The following SARAF variants were observed in gnomAD, a reference collection of about 807,000 sequenced individuals.
The protein encoded by SARAF is store-operated calcium entry associated regulatory factor, also known as store-operated calcium entry-associated regulatory factor.
Under a neutral mutation model 39.7 loss-of-function variants are expected in SARAF, and 23 were observed. The observed-to-expected ratio is 0.58, with a 90% CI of 0.42 to 0.82. The LOEUF is 0.82. Ranked by LOEUF, SARAF falls within the 40% of genes least tolerant of loss-of-function variation. The probability of loss-of-function intolerance (pLI) is 0.00; values close to 1 mark genes in which losing one functional copy is unlikely to be tolerated. For missense variants in SARAF, 384 were observed against 418.5 expected, an observed-to-expected ratio of 0.92 and a Z score of 0.72; for synonymous variants, 175 against 168.5, an observed-to-expected ratio of 1.04 and a Z score of -0.30.
In SARAF at chr8:30,082,991, G is replaced by T; in HGVS notation, c.-42C>A. 1.4e-6 allele frequency: 2 copies of T among 1,461,354 alleles called. No individual in the cohort carries two copies. Among genetic ancestry groups the T allele is most frequent in the Admixed American group, 2.1e-5 (1 of 46,858 alleles). 90.5% of individuals were successfully genotyped at this position (1,461,354 alleles called of 1,614,324 possible). On this transcript the variant is annotated 5_prime_UTR_variant, in exon 1 of 6. Transcript: ENST00000256255. Reference sequence around the variant, plus strand: ...GGCGCCGGGCTGCCAGACGCCTACGGGCCGAACCTGGGTGCGGTAGCGCGC... The same window carrying T: ...GGCGCCGGGCTGCCAGACGCCTACGTGCCGAACCTGGGTGCGGTAGCGCGC...
At chr8:30,065,011 T>C (rs1801651361) in intron 5 of SARAF, among the ~76,000 whole-genome samples, 1 of 152,208 alleles carries the variant, frequency 6.6e-6, no homozygotes, top group Non-Finnish European at 1.5e-5. Flanking sequence ...ATAGTGTATA[T>C]ATTATTTTGT....
intron 5 of SARAF, among the ~76,000 whole-genome samples, chr8:30,065,392 T>C (rs1801660998): frequency 6.6e-6 from 1 of 152,212 alleles, no homozygotes; most frequent in South Asian, 2.1e-4. Flanking sequence ...TTTTAAAACA[T>C]ATTTAAATAT....
At chr8:30,079,476 C>A (rs1227809638) in intron 1 of SARAF, among the ~76,000 whole-genome samples, 2 of 152,102 alleles carry the variant, frequency 1.3e-5, no homozygotes, top group Non-Finnish European at 2.9e-5. Context: ...CTACTACCTC[C>A]TCATACATAA....
chr8:30,075,300 C>A (rs1801932673), intron 1 of SARAF, among the ~76,000 whole-genome samples: 4 of 130,802 alleles, frequency 3.1e-5, no homozygotes, highest in Non-Finnish European at 3.3e-5. Flanking sequence ...AACTCCATCT[C>A]AAAAAAAAAA....
chr8:30,082,977 GC>G lies in SARAF; in HGVS notation c.-29del. 6.6e-7 allele frequency: 1 copy of G among 1,521,226 alleles called. No homozygotes were observed. Among genetic ancestry groups the G allele is most frequent in the Non-Finnish European group, 8.9e-7 (1 of 1,128,726 alleles). The allele number at this position is 1,521,226 out of a possible 1,614,324, so 94.2% of individuals were successfully genotyped here. ...CGCTCGATGAAGATGGCGCCGGGCT[GC>G]CAGACGCCTACGGGCCGAACCTGGG... On this transcript the variant is annotated 5_prime_UTR_variant, in exon 1 of 6. Coordinates refer to ENST00000256255, the MANE Select transcript of SARAF (RefSeq NM_016127.6).
Position 30,073,969 on chromosome 8 carries a change from A to G in SARAF, c.190T>C (p.Leu64=). The change falls in exon 2 of 6, where the codon TTG becomes CTG. Residue 64 remains leucine, a synonymous_variant. Transcript: ENST00000256255. ...TSRRLDPIPQ[L]KCVGGTAGCD... is the part of the protein sequence containing the mutation. ...CCAGCTGTGCCTCCAACACATTTCA[A>G]CTGTGGGATGGGATCCAGCCTGCGG... 6.2e-7 allele frequency: 1 copy of G among 1,614,132 alleles called. No individual in the cohort carries two copies. Among genetic ancestry groups the G allele is most frequent in the Non-Finnish European group, 8.5e-7 (1 of 1,180,016 alleles).
chr8:30,063,599 C>T lies in SARAF; in HGVS notation c.*289G>A. On this transcript the variant is annotated 3_prime_UTR_variant, in exon 6 of 6. Transcript: ENST00000256255. ...TCATTCTTAATGCTTCTTAGGGCATCACAGGTTTTAGAAATTAATGTATTT... is the reference window on the plus strand; with the variant it reads ...TCATTCTTAATGCTTCTTAGGGCATTACAGGTTTTAGAAATTAATGTATTT... 2.2e-6 allele frequency: 1 copy of T among 450,726 alleles called. No homozygotes were observed. Among genetic ancestry groups the T allele is most frequent in the East Asian group, 4.2e-5 (1 of 23,680 alleles). The allele number at this position is 450,726 out of a possible 1,614,324, so 27.9% of individuals were successfully genotyped here.
intron 1 of SARAF, among the ~76,000 whole-genome samples, chr8:30,078,428 C>CA (rs1452442758): frequency 3.3e-5 from 5 of 151,506 alleles, no homozygotes; most frequent in Non-Finnish European, 5.9e-5. Context: ...ACACTGAAGA[C>CA]AAAAAAAGAT....
At chr8:30,073,234 A>G (rs1801885130) in intron 2 of SARAF, among the ~76,000 whole-genome samples, 1 of 152,246 alleles carries the variant, frequency 6.6e-6, no homozygotes, top group Non-Finnish European at 1.5e-5. Flanking sequence ...GTCGTCTTAA[A>G]TCAATTTTGA....
intron 3 of SARAF, among the ~76,000 whole-genome samples, chr8:30,068,969 CTA>C (rs990767723): frequency 8.6e-5 from 13 of 151,936 alleles, no homozygotes; most frequent in African/African-American, 2.9e-4. Flanking sequence ...AAATATTCTC[CTA>C]TGTTTTATTC....
At chr8:30,064,251 T>C (rs1801621146) in intron 5 of SARAF, among the ~76,000 whole-genome samples, 1 of 152,136 alleles carries the variant, frequency 6.6e-6, no homozygotes, top group South Asian at 2.1e-4. Context: ...AGCCATGCCC[T>C]GCTACCTCTC....
intron 1 of SARAF, 57 bp from the exon 2 acceptor site, chr8:30,074,112 G>C: frequency 6.4e-7 from 1 of 1,560,744 alleles, no homozygotes. Flanking sequence ...GAGAAAGAAA[G>C]GTTCATCCTA....
chr8:30,064,035 G>T, intron 5 of SARAF, 122 bp from the exon 6 acceptor site: 1 of 846,790 alleles, frequency 1.2e-6, no homozygotes, highest in Non-Finnish European at 1.9e-6. Flanking sequence ...AGGAAAGAGT[G>T]TGCCACTAGG....
chr8:30,069,133 C>CTTTTTTTT (rs1491510056), intron 3 of SARAF, among the ~76,000 whole-genome samples: 1 of 94,512 alleles, frequency 1.1e-5, no homozygotes, highest in Non-Finnish European at 2.0e-5. Context: ...TTTAATCAGG[C>CTTTTTTTT]ATTTTTTTTT....
intron 1 of SARAF, among the ~76,000 whole-genome samples, chr8:30,074,588 C>T (rs775133429): frequency 3.9e-5 from 6 of 152,080 alleles, no homozygotes; most frequent in Admixed American, 1.3e-4. Flanking sequence ...TGTATGACAG[C>T]TTTACATAAA....
chr8:30,079,124 C>T (rs1802040756), intron 1 of SARAF, among the ~76,000 whole-genome samples: 1 of 142,134 alleles, frequency 7.0e-6, no homozygotes, highest in Admixed American at 7.3e-5. Context: ...TACCACTGCA[C>T]TCCAGCCTGG....
chr8:30,070,124 TG>T (rs1435579008), intron 2 of SARAF, 65 bp from the exon 3 acceptor site: 1 of 1,427,242 alleles, frequency 7.0e-7, no homozygotes. Flanking sequence ...ATATGTTACT[TG>T]GGGGCCGGGC....
Position 30,069,997 on chromosome 8 carries a change from T to G in SARAF, c.345A>C (p.Glu115Asp). The change falls in exon 3 of 6, where the codon GAA becomes GAC. Residue 115 changes from glutamate to aspartate, a missense_variant. By Grantham distance (45) the Glu-to-Asp change is conservative. Coordinates refer to ENST00000256255, the MANE Select transcript of SARAF (RefSeq NM_016127.6). ...YKFGKTVVSCEGYESSEDQYV... is the reference protein window; with the variant it reads ...YKFGKTVVSCDGYESSEDQYV... ...ACTGGTCTTCAGAGGACTCATAGCC[T>G]TCACAGCTCACCACAGTTTTTCCAA... 1 of 1,613,752 alleles carries G rather than the reference T, an allele frequency of 6.2e-7. No individual in the cohort carries two copies. The highest frequency in any genetic ancestry group is 8.5e-7 in the Non-Finnish European group (1 of 1,179,972).
chr8:30,075,588 C>T (rs1386068821), intron 1 of SARAF, among the ~76,000 whole-genome samples: 3 of 152,196 alleles, frequency 2.0e-5, no homozygotes, highest in African/African-American at 7.2e-5. Context: ...CTAGTAAACA[C>T]AGGCATGGAG....
Sources: gnomAD v4.1 joint callset for allele counts (sites outside exome capture counted in the v4.1 genomes callset) on GRCh38, gnomAD v4.1.1 for gene constraint, MANE v1.5 for transcripts, NCBI Gene and HGNC (gene_info 2026-07-23, HGNC 2026-07-21) for gene names.